Variants in FGGY observed in about 807,000 individuals in gnomAD.
The protein encoded by FGGY is FGGY carbohydrate kinase domain containing.
Under a neutral mutation model 71.3 loss-of-function variants are expected in FGGY, and 72 were observed. That is an observed-to-expected ratio of 1.01 (90% CI 0.84 to 1.23). The LOEUF (loss-of-function observed/expected upper bound fraction) is 1.23. Among genes scored for constraint, FGGY ranks in the 50% most tolerant of loss-of-function variants. The pLI, the probability that FGGY is intolerant of heterozygous loss-of-function variation, is 0.00. For missense variants in FGGY, 668 were observed against 682.3 expected, an observed-to-expected ratio of 0.98 and a Z score of 0.23; for synonymous variants, 251 against 250.3, an observed-to-expected ratio of 1.00 and a Z score of -0.02.
intron 9 of FGGY, among the ~76,000 whole-genome samples, chr1:59,611,973 A>C (rs1304737774): frequency 2.6e-5 from 4 of 152,196 alleles, no homozygotes; most frequent in Non-Finnish European, 4.4e-5. Context: ...GAGACGAACA[A>C]AGCCTCCAAG....
At position 59,688,811 on chromosome 1, in the gene FGGY, G is replaced by A. The variant is rs568888684; in HGVS notation, c.1512+14678G>A. ...GTCGCCTAGGCTGGAGTGCAGTGGC[G>A]CAATCTTGGCTCACTGCAACCTCCA... On this transcript the variant is annotated intron_variant, in intron 14 of 15. Coordinates refer to ENST00000303721, the MANE Select transcript of FGGY (RefSeq NM_018291.5). Among the ~76,000 whole-genome samples, 120 of 150,906 alleles carry A rather than the reference G, an allele frequency of 8.0e-4. 1 individual carries two copies. Among genetic ancestry groups the A allele is most frequent in the African/African-American group, 2.7e-3 (110 of 41,052 alleles).
chr1:59,742,072 C>T (rs1351042453), intron 14 of FGGY, among the ~76,000 whole-genome samples: 3 of 152,222 alleles, frequency 2.0e-5, no homozygotes, highest in African/African-American at 4.8e-5. Flanking sequence ...CACTGCACTC[C>T]AGCCTCGGTG....
chr1:59,339,751 C>T (rs2050290682), intron 2 of FGGY, among the ~76,000 whole-genome samples: 1 of 152,108 alleles, frequency 6.6e-6, no homozygotes, highest in Non-Finnish European at 1.5e-5. Context: ...GTGTGAGCTG[C>T]CATGCCTGGC....
At chr1:59,587,832 C>G (rs1163749421) in intron 8 of FGGY, among the ~76,000 whole-genome samples, 1 of 152,104 alleles carries the variant, frequency 6.6e-6, no homozygotes, top group Non-Finnish European at 1.5e-5. Context: ...GTAGATAAAA[C>G]CACAAAGATG....
At chr1:59,589,020 T>C (rs546162248) in intron 8 of FGGY, among the ~76,000 whole-genome samples, 1 of 152,222 alleles carries the variant, frequency 6.6e-6, no homozygotes, top group African/African-American at 2.4e-5. Context: ...TCAAGACCCA[T>C]CAGTGTGCTG....
chr1:59,508,366 T>G (rs937166729), intron 6 of FGGY, among the ~76,000 whole-genome samples: 2 of 152,196 alleles, frequency 1.3e-5, no homozygotes, highest in Non-Finnish European at 2.9e-5. Flanking sequence ...TTCTGAAATG[T>G]TTGTTAAAAT....
At chr1:59,718,726 C>A (rs2097862530) in intron 14 of FGGY, among the ~76,000 whole-genome samples, 1 of 152,128 alleles carries the variant, frequency 6.6e-6, no homozygotes, top group South Asian at 2.1e-4. Context: ...CCCATACCAC[C>A]CCTTCACCTA....
At chr1:59,594,195 C>T (rs1558483161) in intron 8 of FGGY, among the ~76,000 whole-genome samples, 1 of 152,208 alleles carries the variant, frequency 6.6e-6, no homozygotes, top group African/African-American at 2.4e-5. Flanking sequence ...ATCCCCTCCC[C>T]TCTTCCAGCA....
In FGGY at chr1:59,300,084, A is replaced by T. The variant is rs144325153; in HGVS notation, c.-15+2934A>T. Among the ~76,000 whole-genome samples the T allele has an allele frequency of 7.9e-5, 12 of 152,378 alleles. No individual in the cohort carries two copies. The East Asian group carries it at 1.9e-3, about 24-fold the overall frequency. On this transcript the variant is annotated intron_variant, in intron 1 of 15. Coordinates refer to ENST00000303721, the MANE Select transcript of FGGY (RefSeq NM_018291.5). ...TGTAGGGATAAGAAGGAATGTAGTC[A>T]TCAGTAGGTGTTCTTGAGTGGGCTA...
At position 59,589,768 on chromosome 1, in the gene FGGY, T is replaced by G. The variant is rs1377430820; in HGVS notation, c.904-18035T>G. 5.3e-5 allele frequency among the ~76,000 whole-genome samples: 8 copies of G among 152,070 alleles called. 1 individual carries two copies. The South Asian group carries it at 1.7e-3, about 32-fold the overall frequency. On this transcript the variant is annotated intron_variant, in intron 8 of 15. Coordinates refer to ENST00000303721, the MANE Select transcript of FGGY (RefSeq NM_018291.5). The stretch of plus-strand genomic sequence containing the variant: ...AACAAAGACACAACATACCAGAATC[T>G]CTGGGACATATTCAAAGCAGTGTGT...
chr1:59,490,595 T>C (rs1389260934), intron 6 of FGGY, among the ~76,000 whole-genome samples: 2 of 152,160 alleles, frequency 1.3e-5, no homozygotes, highest in East Asian at 1.9e-4. Flanking sequence ...ATATTTTCCC[T>C]GGCCAATATC....
intron 7 of FGGY, among the ~76,000 whole-genome samples, chr1:59,550,416 A>C (rs1469310890): frequency 7.5e-6 from 1 of 133,196 alleles, no homozygotes. Flanking sequence ...TCTCCGACTC[A>C]TGTGGTCTTG....
At chr1:59,693,763 T>C (rs1558819264) in intron 14 of FGGY, among the ~76,000 whole-genome samples, 1 of 151,956 alleles carries the variant, frequency 6.6e-6, no homozygotes, top group Admixed American at 6.6e-5. Context: ...TCCCAGCACT[T>C]TGAGAGGCTG....
chr1:59,581,920 T>A (rs1161288898), intron 8 of FGGY, among the ~76,000 whole-genome samples: 2 of 149,838 alleles, frequency 1.3e-5, no homozygotes, highest in African/African-American at 5.1e-5. Flanking sequence ...TGTAATAACA[T>A]GAAAAATATT....
chr1:59,469,000 A>ACTT (rs2092798380), intron 6 of FGGY, among the ~76,000 whole-genome samples: 2 of 152,168 alleles, frequency 1.3e-5, no homozygotes, highest in African/African-American at 4.8e-5. Flanking sequence ...GTCACACTGA[A>ACTT]TCAAAGTTCA....
chr1:59,639,730 G>A (rs1215084141), intron 11 of FGGY, among the ~76,000 whole-genome samples: 1 of 152,192 alleles, frequency 6.6e-6, no homozygotes, highest in Non-Finnish European at 1.5e-5. Context: ...AAACAAAGCA[G>A]TGTTGCATAG....
intron 14 of FGGY, among the ~76,000 whole-genome samples, chr1:59,718,051 A>G (rs58757521): frequency 0.045 from 6,799 of 151,426 alleles, 168 homozygotes; most frequent in South Asian, 0.088. Flanking sequence ...CCCTGAGTCC[A>G]TGCTCTTACT....
At chr1:59,383,240 C>T (rs1330010963) in intron 5 of FGGY, among the ~76,000 whole-genome samples, 1 of 152,130 alleles carries the variant, frequency 6.6e-6, no homozygotes, top group Non-Finnish European at 1.5e-5. Flanking sequence ...CCTAATGAAT[C>T]AGAATCTCCA....
intron 2 of FGGY, among the ~76,000 whole-genome samples, chr1:59,333,479 G>C (rs2048886900): frequency 6.6e-6 from 1 of 152,142 alleles, no homozygotes; most frequent in Non-Finnish European, 1.5e-5. Context: ...TAATAGTTTT[G>C]TACTGCCAAG....
Sources: gnomAD v4.1 joint callset for allele counts (sites outside exome capture counted in the v4.1 genomes callset) on GRCh38, gnomAD v4.1.1 for gene constraint, MANE v1.5 for transcripts, NCBI Gene and HGNC (gene_info 2026-07-23, HGNC 2026-07-21) for gene names.